The following MBOAT2 variants were observed in gnomAD, a reference collection of about 807,000 sequenced individuals.
MBOAT2 encodes the protein membrane-bound glycerophospholipid O-acyltransferase 2.
A neutral mutation model predicts 63.4 loss-of-function variants in MBOAT2; 28 were observed. The observed-to-expected ratio is 0.44, with a 90% confidence interval of 0.33 to 0.61. MBOAT2 has a LOEUF of 0.61. MBOAT2 is among the 20% of genes least tolerant of loss of function. The probability of loss-of-function intolerance (pLI) is 0.03; values close to 1 mark genes in which losing one functional copy is unlikely to be tolerated. For synonymous variants in MBOAT2, 211 were observed against 215.6 expected (o/e 0.98, Z 0.19); for missense variants, 470 against 605.8 (o/e 0.78, Z 2.35).
At position 8,961,081 on chromosome 2, in the gene MBOAT2, G is replaced by C. The variant is rs367737756; in HGVS notation, c.76-2439C>G. Among the ~76,000 whole-genome samples the C allele has an allele frequency of 2.6e-5, 4 of 152,290 alleles. 1 individual carries two copies. The highest frequency in any genetic ancestry group is 6.5e-5 in the Admixed American group (1 of 15,288). On this transcript the variant is annotated intron_variant, in intron 1 of 12. Coordinates refer to ENST00000305997, the MANE Select transcript of MBOAT2 (RefSeq NM_138799.4). ...AAGATTTTTAAAACAAGGAAGTGAT[G>C]AGATTGACCCTCCACCTCTACATAT...
At chr2:8,963,585 G>T (rs1669779786) in intron 1 of MBOAT2, among the ~76,000 whole-genome samples, 1 of 152,178 alleles carries the variant, frequency 6.6e-6, no homozygotes, top group Admixed American at 6.5e-5. Flanking sequence ...TTATAGGCAT[G>T]AGCCACCACA....
Position 8,858,520 on chromosome 2 carries a change from A to G in MBOAT2, c.*159T>C, listed in dbSNP as rs1661264266. The G allele has an allele frequency of 1.7e-6, 1 of 583,066 alleles. No homozygotes were observed. The highest frequency in any genetic ancestry group is 1.9e-5 in the African/African-American group (1 of 53,598). 36.1% of individuals were successfully genotyped at this position (583,066 alleles called of 1,614,324 possible). On this transcript the variant is annotated 3_prime_UTR_variant, in exon 13 of 13. Coordinates refer to ENST00000305997, the MANE Select transcript of MBOAT2 (RefSeq NM_138799.4). Reference sequence around the variant, plus strand: ...GACATGGCATGGGAGGGCTTGTTTCACTCCATTTCCAATCTGGTGTACAGG... The same window carrying G: ...GACATGGCATGGGAGGGCTTGTTTCGCTCCATTTCCAATCTGGTGTACAGG...
intron 4 of MBOAT2, 62 bp from the exon 5 acceptor site, chr2:8,888,135 A>T (rs951237438): frequency 1.4e-6 from 2 of 1,444,022 alleles, no homozygotes; most frequent in Non-Finnish European, 1.9e-6. Flanking sequence ...TACTTATGAC[A>T]TATGAGTTAA....
intron 4 of MBOAT2, among the ~76,000 whole-genome samples, chr2:8,902,647 C>T (rs761028505): frequency 4.6e-5 from 7 of 151,896 alleles, no homozygotes; most frequent in African/African-American, 7.3e-5. Context: ...TAGACCTTTG[C>T]GGTGACTGTT....
chr2:8,867,687 G>A (rs1007348211), intron 9 of MBOAT2, among the ~76,000 whole-genome samples: 1 of 152,174 alleles, frequency 6.6e-6, no homozygotes, highest in Admixed American at 6.5e-5. Flanking sequence ...ACCAAATTCT[G>A]TTGAGTCTCT....
At chr2:8,980,281 C>T (rs750972360) in intron 1 of MBOAT2, among the ~76,000 whole-genome samples, 1 of 152,136 alleles carries the variant, frequency 6.6e-6, no homozygotes, top group Non-Finnish European at 1.5e-5. Context: ...CAGGAATGCA[C>T]CTACCACATC....
intron 4 of MBOAT2, among the ~76,000 whole-genome samples, chr2:8,890,396 C>A (rs1470979403): frequency 1.3e-5 from 2 of 152,092 alleles, no homozygotes; most frequent in Non-Finnish European, 2.9e-5. Context: ...TTTATTAAAT[C>A]TCAGTGGTTG....
intron 3 of MBOAT2, among the ~76,000 whole-genome samples, chr2:8,910,070 CT>C (rs1443650802): frequency 6.6e-6 from 1 of 152,178 alleles, no homozygotes; most frequent in Non-Finnish European, 1.5e-5. Flanking sequence ...GGAGTTTCTA[CT>C]TTTTGCCTTT....
intron 5 of MBOAT2, among the ~76,000 whole-genome samples, chr2:8,885,492 G>C (rs115264191): frequency 2.6e-5 from 4 of 151,966 alleles, no homozygotes; most frequent in African/African-American, 9.7e-5. Context: ...TTTCATATAC[G>C]AGATATTCAA....
rs369549964 is a variant in MBOAT2 at position 8,929,411 on chromosome 2, G to C, written c.299+13776C>G. Among the ~76,000 whole-genome samples the C allele has an allele frequency of 1.4e-4, 22 of 152,320 alleles. No individual in the cohort carries two copies. The Middle Eastern group carries it at 0.01, about 71-fold the overall frequency. ...TTGTCATCCAGGCTGAAGTGCAGTG[G>C]CACGATCTCAGCTTACTGCAGCCTC... On this transcript the variant is annotated intron_variant, in intron 3 of 12. Transcript: ENST00000305997.
intron 9 of MBOAT2, among the ~76,000 whole-genome samples, chr2:8,865,087 A>G (rs996326844): frequency 2.0e-5 from 3 of 152,156 alleles, no homozygotes; most frequent in Non-Finnish European, 4.4e-5. Flanking sequence ...TCTTAAGTTC[A>G]TGGTTCTCCA....
rs1661029653 is a variant in MBOAT2, at chr2:8,855,568, CAG to C, written c.*3109_*3110del. On this transcript the variant is annotated 3_prime_UTR_variant, in exon 13 of 13. Transcript: ENST00000305997. ...AGTGGCTAATAAGAGAAGTGGTCAC[CAG>C]ACATTTTTGAAGCCAAATAAATCTT... 1 of 152,140 alleles carries C rather than the reference CAG, an allele frequency of 6.6e-6. No homozygotes were observed. Among genetic ancestry groups the C allele is most frequent in the African/African-American group, 2.4e-5 (1 of 41,426 alleles). 9.4% of individuals were successfully genotyped at this position (152,140 alleles called of 1,614,324 possible).
chr2:8,984,676 G>A (rs959295436), intron 1 of MBOAT2, among the ~76,000 whole-genome samples: 6 of 151,946 alleles, frequency 3.9e-5, no homozygotes, highest in Admixed American at 1.3e-4. Flanking sequence ...GGGGAGGGAA[G>A]GGAAGAGAAA....
intron 3 of MBOAT2, among the ~76,000 whole-genome samples, chr2:8,931,452 A>G (rs1667314500): frequency 6.6e-6 from 1 of 151,744 alleles, no homozygotes; most frequent in African/African-American, 2.4e-5. Context: ...TTTTCTTGTA[A>G]ATTTGTTTAA....
intron 1 of MBOAT2, among the ~76,000 whole-genome samples, chr2:8,964,718 A>C (rs1669866950): frequency 6.6e-6 from 1 of 152,246 alleles, no homozygotes; most frequent in African/African-American, 2.4e-5. Flanking sequence ...CAGCAATGTG[A>C]GTTCCACTGC....
At chr2:8,916,363 C>T (rs943226623) in intron 3 of MBOAT2, among the ~76,000 whole-genome samples, 4 of 152,178 alleles carry the variant, frequency 2.6e-5, no homozygotes, top group Admixed American at 6.5e-5. Flanking sequence ...AAATCAACAG[C>T]TTCTGTAGAG....
At chr2:8,980,644 C>T (rs967104126) in intron 1 of MBOAT2, among the ~76,000 whole-genome samples, 1 of 152,084 alleles carries the variant, frequency 6.6e-6, no homozygotes, top group Non-Finnish European at 1.5e-5. Flanking sequence ...ACAAAACAAC[C>T]TTTTTATAAA....
At chr2:8,970,649 A>AG (rs1419331633) in intron 1 of MBOAT2, among the ~76,000 whole-genome samples, 1 of 152,194 alleles carries the variant, frequency 6.6e-6, no homozygotes, top group Non-Finnish European at 1.5e-5. Flanking sequence ...AAGAAATGAG[A>AG]GAAGAATCAA....
At chr2:8,884,074 A>AT (rs1663351220) in intron 5 of MBOAT2, among the ~76,000 whole-genome samples, 1 of 150,124 alleles carries the variant, frequency 6.7e-6, no homozygotes, top group Non-Finnish European at 1.5e-5. Context: ...AAAAAAAAAA[A>AT]AGAAAAAAAA....
Sources: gnomAD v4.1 joint callset for allele counts (sites outside exome capture counted in the v4.1 genomes callset) on GRCh38, gnomAD v4.1.1 for gene constraint, MANE v1.5 for transcripts, NCBI Gene and HGNC (gene_info 2026-07-23, HGNC 2026-07-21) for gene names.